The following BFSP1 variants were observed in gnomAD, a reference collection of about 807,000 sequenced individuals.
The protein encoded by BFSP1 is beaded filament structural protein 1.
Under a neutral mutation model 43.9 loss-of-function variants are expected in BFSP1, and 38 were observed. That is an observed-to-expected ratio of 0.87 (90% CI 0.67 to 1.14). BFSP1 has a LOEUF of 1.14. Among genes scored for constraint, BFSP1 ranks in the 50% most tolerant of loss-of-function variants. The pLI is 0.00. For missense variants in BFSP1, 850 were observed against 875.1 expected (o/e 0.97, Z 0.36); for synonymous variants, 352 against 354.8 (o/e 0.99, Z 0.09).
intron 1 of BFSP1, among the ~76,000 whole-genome samples, chr20:17,553,824 C>CTT: frequency 1.4e-5 from 1 of 73,426 alleles, no homozygotes; most frequent in Non-Finnish European, 2.8e-5. Flanking sequence ...CACACACACA[C>CTT]ATATATATAT....
chr20:17,562,172 G>A (rs769614691), upstream of BFSP1, among the ~76,000 whole-genome samples: 13 of 151,548 alleles, frequency 8.6e-5, no homozygotes, highest in Admixed American at 4.6e-4. Flanking sequence ...GGTCCGCCTC[G>A]GTCTCCCAAA....
At chr20:17,500,263 A>C (rs976910165) in intron 5 of BFSP1, among the ~76,000 whole-genome samples, 4 of 152,242 alleles carry the variant, frequency 2.6e-5, no homozygotes, top group Non-Finnish European at 5.9e-5. Context: ...GGAGGAAAAC[A>C]GAAAGAGATA....
chr20:17,542,275 G>T (rs201931), intron 1 of BFSP1, among the ~76,000 whole-genome samples: 29,909 of 151,894 alleles, frequency 0.2, 3,202 homozygotes, highest in Non-Finnish European at 0.23. Flanking sequence ...ACACTACAAA[G>T]GAAGACATTT....
chr20:17,498,355 C>T (rs576427391), intron 6 of BFSP1, among the ~76,000 whole-genome samples: 1 of 152,328 alleles, frequency 6.6e-6, no homozygotes, highest in East Asian at 1.9e-4. Context: ...CACAGACTGA[C>T]TCAGCAAGGT....
At chr20:17,541,800 T>C (rs916241359) in intron 1 of BFSP1, among the ~76,000 whole-genome samples, 1 of 152,230 alleles carries the variant, frequency 6.6e-6, no homozygotes, top group African/African-American at 2.4e-5. Flanking sequence ...TTGCTGAACA[T>C]AGCAGTCTAA....
chr20:17,541,714 A>G (rs1022175540), intron 1 of BFSP1, among the ~76,000 whole-genome samples: 2 of 152,212 alleles, frequency 1.3e-5, no homozygotes, highest in African/African-American at 4.8e-5. Flanking sequence ...TCAGATGTCA[A>G]CCGAAAACAA....
chr20:17,545,637 A>G (rs1380159320), intron 1 of BFSP1, among the ~76,000 whole-genome samples: 2 of 152,256 alleles, frequency 1.3e-5, no homozygotes, highest in Non-Finnish European at 2.9e-5. Context: ...CATGGTCCTA[A>G]GGTGTTTACA....
upstream of BFSP1, among the ~76,000 whole-genome samples, chr20:17,533,575 C>T (rs2034583093): frequency 6.6e-6 from 1 of 152,168 alleles, no homozygotes; most frequent in African/African-American, 2.4e-5. Flanking sequence ...CAAGCTCATC[C>T]CAGGCCTTTG....
upstream of BFSP1, chr20:17,563,025 T>A (rs2035081040): frequency 6.6e-6 from 1 of 152,272 alleles, no homozygotes; most frequent in Non-Finnish European, 1.5e-5. Context: ...TGCGGCCTGT[T>A]GGTAAAGGGC....
At chr20:17,550,798 A>C (rs1308103027) in intron 1 of BFSP1, among the ~76,000 whole-genome samples, 1 of 152,158 alleles carries the variant, frequency 6.6e-6, no homozygotes, top group Admixed American at 6.5e-5. Flanking sequence ...AAAAGCATGT[A>C]TTATTATGCA....
At chr20:17,550,952 T>G (rs1195895348) in intron 1 of BFSP1, among the ~76,000 whole-genome samples, 2 of 152,152 alleles carry the variant, frequency 1.3e-5, no homozygotes, top group African/African-American at 4.8e-5. Flanking sequence ...TGGAGTTGAT[T>G]TTAAAATGGT....
upstream of BFSP1, among the ~76,000 whole-genome samples, chr20:17,561,827 T>C (rs1358112679): frequency 6.6e-6 from 1 of 152,200 alleles, no homozygotes; most frequent in Non-Finnish European, 1.5e-5. Flanking sequence ...TTAGATGGGC[T>C]TCAGGGCAGT....
intron 1 of BFSP1, among the ~76,000 whole-genome samples, chr20:17,557,838 G>A (rs1216401673): frequency 6.6e-6 from 1 of 152,204 alleles, no homozygotes; most frequent in East Asian, 1.9e-4. Context: ...AAACCCAGCT[G>A]AAAGGCAGAT....
upstream of BFSP1, among the ~76,000 whole-genome samples, chr20:17,563,397 C>T (rs1025039937): frequency 2.2e-5 from 1 of 44,790 alleles, no homozygotes; most frequent in East Asian, 7.3e-4. Context: ...CTCCCTCCCT[C>T]CCTTCCTTCC....
chr20:17,545,581 A>T (rs1165282280), intron 1 of BFSP1, among the ~76,000 whole-genome samples: 2 of 151,824 alleles, frequency 1.3e-5, no homozygotes, highest in Non-Finnish European at 2.9e-5. Flanking sequence ...TTTAAAATCA[A>T]CTCCATCTTA....
intron 5 of BFSP1, among the ~76,000 whole-genome samples, chr20:17,501,344 C>G (rs1353775083): frequency 5.3e-5 from 8 of 152,194 alleles, no homozygotes; most frequent in African/African-American, 1.9e-4. Flanking sequence ...GCGGGCAGAT[C>G]ACTTGAGGTC....
At position 17,557,832 on chromosome 20, in the gene BFSP1, C is replaced by A. The variant is rs142851403; in HGVS notation, c.2+856G>T. On this transcript the variant is annotated intron_variant, in intron 1 of 7. Coordinates refer to the BFSP1 transcript ENST00000377868. ...TAATAAACCTGTTATGCAGGAAAAC[C>A]CAGCTGAAAGGCAGATCCAAGCTGC... Among the ~76,000 whole-genome samples the A allele has an allele frequency of 4.6e-5, 7 of 152,198 alleles. No individual in the cohort carries two copies. The East Asian group carries it at 1.4e-3, about 29-fold the overall frequency.
upstream of BFSP1, among the ~76,000 whole-genome samples, chr20:17,559,254 C>A (rs893209551): frequency 2.0e-5 from 3 of 152,114 alleles, no homozygotes; most frequent in Non-Finnish European, 4.4e-5. Context: ...ACAACAACAA[C>A]AACAAAAACA....
intron 2 of BFSP1, among the ~76,000 whole-genome samples, chr20:17,522,791 A>G (rs2034344507): frequency 6.6e-6 from 1 of 152,208 alleles, no homozygotes; most frequent in Non-Finnish European, 1.5e-5. Flanking sequence ...TTTCACTCCT[A>G]TGGTGGGTGG....
Sources: gnomAD v4.1 joint callset for allele counts (sites outside exome capture counted in the v4.1 genomes callset) on GRCh38, gnomAD v4.1.1 for gene constraint, MANE v1.5 for transcripts, NCBI Gene and HGNC (gene_info 2026-07-23, HGNC 2026-07-21) for gene names.